Variants in MAPK8IP1 observed in about 807,000 individuals in gnomAD.
The protein encoded by MAPK8IP1 is mitogen-activated protein kinase 8 interacting protein 1.
A neutral mutation model predicts 72.6 loss-of-function variants in MAPK8IP1; 17 were observed. The observed-to-expected ratio is 0.23, with a 90% confidence interval of 0.16 to 0.35. MAPK8IP1 has a LOEUF of 0.35. Ranked by LOEUF, MAPK8IP1 falls within the 10% of genes least tolerant of loss-of-function variation. The pLI, the probability that MAPK8IP1 is intolerant of heterozygous loss-of-function variation, is 1.00. For missense variants in MAPK8IP1, 789 were observed against 1,009.7 expected (o/e 0.78, Z 2.96); for synonymous variants, 401 against 443.4 (o/e 0.90, Z 1.20).
intron 11 of MAPK8IP1, 121 bp downstream of exon 11, chr11:45,905,370 T>C (rs1336612791): frequency 1.0e-6 from 1 of 986,948 alleles, no homozygotes; most frequent in African/African-American, 1.6e-5. Flanking sequence ...GAGAACTATC[T>C]CCGGACCCCA....
In MAPK8IP1 at chr11:45,900,332, G is replaced by T. The variant is rs970952478; in HGVS notation, c.402G>T (p.Glu134Asp). The change falls in exon 3 of 12, where the codon GAG becomes GAT. Residue 134 changes from glutamate to aspartate, a missense_variant. Transcript: ENST00000241014. The surrounding 1 kb of genome is among the most constrained non-coding windows in gnomAD (Gnocchi z 6.5). ...CGCCCAAGGCCGAGTCCGGCCAGGAGCCGGCGTCCCGCGGCCAGGGCCAGA... is the reference window on the plus strand; with the variant it reads ...CGCCCAAGGCCGAGTCCGGCCAGGATCCGGCGTCCCGCGGCCAGGGCCAGA... ...AGPPKAESGQ[E>D]PASRGQGQSQ... The T allele has an allele frequency of 6.9e-7, 1 of 1,445,370 alleles. No homozygotes were observed. The highest frequency in any genetic ancestry group is 2.4e-4 in the Middle Eastern group (1 of 4,100). The allele number at this position is 1,445,370 out of a possible 1,614,324, so 89.5% of individuals were successfully genotyped here. A position where few individuals can be genotyped will look rare whatever the true frequency, so the allele number is the denominator to read the frequency against.
In MAPK8IP1 at chr11:45,898,155, A is replaced by G; in HGVS notation, c.172A>G (p.Ile58Val). 9 of 1,613,722 alleles carry G rather than the reference A, an allele frequency of 5.6e-6. No homozygotes were observed. The highest frequency in any genetic ancestry group is 2.2e-5 in the East Asian group (1 of 44,850). Residue 58 changes from isoleucine (I) to valine (V), a missense_variant, in exon 2 of 12, where the codon ATC (isoleucine) becomes GTC (valine). Transcript: ENST00000241014. ...CTCGGAGATCACTGATGAGTGTGGC[A>G]TCAGCTTACAGTGCAAAGACACCCT... is the stretch of plus-strand genomic sequence containing the variant. ...DLSEITDECG[I>V]SLQCKDTLSL...
chr11:45,886,252 C>T (rs1235421901), intron 1 of MAPK8IP1, among the ~76,000 whole-genome samples: 1 of 152,222 alleles, frequency 6.6e-6, no homozygotes, highest in Non-Finnish European at 1.5e-5. Context: ...GTTGCGATCC[C>T]GGAGCGGGCA....
Position 45,902,163 on chromosome 11 carries a change from G to A in MAPK8IP1, c.604+102G>A. ...AGTCTCCAAAGGGCTGAGTAGAGGT[G>A]AACTGCCCACCCACATCCCTGCACG... On this transcript the variant is annotated intron_variant, in intron 4 of 11. Coordinates refer to ENST00000241014, the MANE Select transcript of MAPK8IP1 (RefSeq NM_005456.4). The surrounding 1 kb of genome is among the most constrained non-coding windows in gnomAD (Gnocchi z 9.3). 8.7e-7 allele frequency: 1 copy of A among 1,145,750 alleles called. No individual in the cohort carries two copies. Among genetic ancestry groups the A allele is most frequent in the Non-Finnish European group, 1.3e-6 (1 of 753,238 alleles). The allele number at this position is 1,145,750 out of a possible 1,614,324, so 71.0% of individuals were successfully genotyped here. A position where few individuals can be genotyped will look rare whatever the true frequency, so the allele number is the denominator to read the frequency against.
intron 1 of MAPK8IP1, chr11:45,896,579 G>A: frequency 2.4e-6 from 3 of 1,273,336 alleles, no homozygotes; most frequent in Non-Finnish European, 3.0e-6. Context: ...CGTGAGGGAG[G>A]CGGCCACAGC....
Position 45,903,501 on chromosome 11 carries a change from T to G in MAPK8IP1, c.1493+61T>G. 6 of 1,412,028 alleles carry G rather than the reference T, an allele frequency of 4.2e-6. No homozygotes were observed. The highest frequency in any genetic ancestry group is 4.9e-6 in the Non-Finnish European group (5 of 1,019,500). 87.5% of individuals were successfully genotyped at this position (1,412,028 alleles called of 1,614,324 possible). A position where few individuals can be genotyped will look rare whatever the true frequency, so the allele number is the denominator to read the frequency against. On this transcript the variant is annotated intron_variant, in intron 6 of 11. Coordinates refer to ENST00000241014, the MANE Select transcript of MAPK8IP1 (RefSeq NM_005456.4). This position sits in a 1 kb window ranked among gnomAD's most constrained non-coding sequence, Gnocchi z 6.4. ...GCAGTTTGGGCCACACACCACCCTC[T>G]ACTTGTCACCCCTACATGGCCTCAG...
intron 1 of MAPK8IP1, among the ~76,000 whole-genome samples, chr11:45,893,735 T>C (rs1012832321): frequency 1.3e-5 from 2 of 151,708 alleles, no homozygotes; most frequent in African/African-American, 4.8e-5. Flanking sequence ...ATGAGCAGGG[T>C]GGATCAGGCG....
At chr11:45,895,512 C>T (rs911751988) in intron 1 of MAPK8IP1, among the ~76,000 whole-genome samples, 4 of 151,092 alleles carry the variant, frequency 2.6e-5, no homozygotes, top group Non-Finnish European at 4.4e-5. Flanking sequence ...CCCAGCTACT[C>T]AAGAGGCTGA....
At position 45,900,131 on chromosome 11, in the gene MAPK8IP1, T is replaced by C. The variant is rs1044248638; in HGVS notation, c.208-7T>C. ...CGCCCCCTGACGCCCCTCCGTGCGCTGTGCAGCCCCCGCGCGCCGGGCTGC... is the reference window on the plus strand; with the variant it reads ...CGCCCCCTGACGCCCCTCCGTGCGCCGTGCAGCCCCCGCGCGCCGGGCTGC... On this transcript the variant is annotated splice_region_variant and splice_polypyrimidine_tract_variant and intron_variant, in intron 2 of 11. Transcript: ENST00000241014. This position sits in a 1 kb window ranked among gnomAD's most constrained non-coding sequence, Gnocchi z 6.5. 29 of 1,241,558 alleles carry C rather than the reference T, an allele frequency of 2.3e-5. No homozygotes were observed. Among genetic ancestry groups the C allele is most frequent in the Middle Eastern group, 3.1e-4 (1 of 3,238 alleles). The allele number at this position is 1,241,558 out of a possible 1,614,324, so 76.9% of individuals were successfully genotyped here. A position where few individuals can be genotyped will look rare whatever the true frequency, so the allele number is the denominator to read the frequency against.
At chr11:45,896,824 G>A (rs1019959385) in intron 1 of MAPK8IP1, 13 of 1,546,158 alleles carry the variant, frequency 8.4e-6, no homozygotes, top group African/African-American at 2.7e-5. Flanking sequence ...CCACCCTTCC[G>A]GGCATGAGAG....
intron 2 of MAPK8IP1, among the ~76,000 whole-genome samples, chr11:45,899,439 AT>A (rs888518251): frequency 3.8e-4 from 58 of 152,242 alleles, no homozygotes; most frequent in African/African-American, 1.2e-3. Flanking sequence ...CAGTAGTGTT[AT>A]CCCCACTCAA....
rs1445042328 is a variant in MAPK8IP1, at chr11:45,900,482, TG to T, written c.522+33del. 9.8e-6 allele frequency: 15 copies of T among 1,529,168 alleles called. No individual in the cohort carries two copies. Among genetic ancestry groups the T allele is most frequent in the Non-Finnish European group, 1.3e-5 (15 of 1,143,962 alleles). The allele number at this position is 1,529,168 out of a possible 1,614,324, so 94.7% of individuals were successfully genotyped here. A position where few individuals can be genotyped will look rare whatever the true frequency, so the allele number is the denominator to read the frequency against. ...GGCGCCAACGTGGGGGGCGGCGCCC[TG>T]GGCCGCCGCGGAGATGTGAGGGGGA... is the stretch of plus-strand genomic sequence containing the variant. On this transcript the variant is annotated intron_variant, in intron 3 of 11. Transcript: ENST00000241014. The surrounding 1 kb of genome is among the most constrained non-coding windows in gnomAD (Gnocchi z 6.5).
In MAPK8IP1 at chr11:45,900,969, G is replaced by T. The variant is rs1022548322; in HGVS notation, c.522+517G>T. 2.4e-4 allele frequency among the ~76,000 whole-genome samples: 37 copies of T among 152,140 alleles called. No individual in the cohort carries two copies. The highest frequency in any genetic ancestry group is 7.7e-4 in the African/African-American group (32 of 41,410). ...GCAGCTGCGAATTCCCAGAAGGCAG[G>T]GGGGAGGAATGGGAGATGGAGCTGC... is the stretch of plus-strand genomic sequence containing the variant. On this transcript the variant is annotated intron_variant, in intron 3 of 11. Transcript: ENST00000241014. The surrounding 1 kb of genome is among the most constrained non-coding windows in gnomAD (Gnocchi z 6.5).
chr11:45,906,340 GGGA>G lies in MAPK8IP1; in HGVS notation c.*627_*629del, dbSNP rs1453198020. On this transcript the variant is annotated 3_prime_UTR_variant, in exon 12 of 12. Coordinates refer to ENST00000241014, the MANE Select transcript of MAPK8IP1 (RefSeq NM_005456.4). ...TGTGGCAGGCCTAGGACCTCAGGCG[GGGA>G]GGAGGAGCTGCCGCAAGGCCCTGTC... 64 of 472,482 alleles carry G rather than the reference GGGA, an allele frequency of 1.4e-4. No individual in the cohort carries two copies. The highest frequency in any genetic ancestry group is 2.0e-4 in the Non-Finnish European group (56 of 282,528). The allele number at this position is 472,482 out of a possible 1,614,324, so 29.3% of individuals were successfully genotyped here. A position where few individuals can be genotyped will look rare whatever the true frequency, so the allele number is the denominator to read the frequency against.
intron 1 of MAPK8IP1, among the ~76,000 whole-genome samples, chr11:45,888,831 C>G (rs2086546375): frequency 6.6e-6 from 1 of 152,150 alleles, no homozygotes; most frequent in South Asian, 2.1e-4. Context: ...TCCCAAGTAG[C>G]TGGGATTACA....
At position 45,903,219 on chromosome 11, in the gene MAPK8IP1, G is replaced by A. The variant is rs776662242; in HGVS notation, c.1417+35G>A. 4.4e-6 allele frequency: 7 copies of A among 1,585,996 alleles called. No homozygotes were observed. Among genetic ancestry groups the A allele is most frequent in the African/African-American group, 4.0e-5 (3 of 74,312 alleles). ...CAAGGGGAAGCAGTGGGGTGGGGGG[G>A]TCCCTAGCGGGGGCAGAGCCAAAAT... On this transcript the variant is annotated intron_variant, in intron 5 of 11. Coordinates refer to ENST00000241014, the MANE Select transcript of MAPK8IP1 (RefSeq NM_005456.4). The surrounding 1 kb of genome is among the most constrained non-coding windows in gnomAD (Gnocchi z 6.4).
chr11:45,886,747 T>C (rs1033081550), intron 1 of MAPK8IP1, among the ~76,000 whole-genome samples: 3 of 152,054 alleles, frequency 2.0e-5, no homozygotes, highest in Admixed American at 1.3e-4. Flanking sequence ...TGAACCCTAG[T>C]TGGTGGGGAG....
chr11:45,885,867 C>T lies in MAPK8IP1; in HGVS notation c.47C>T (p.Pro16Leu). Reference protein sequence around the residue: ...SGGLGGGAASPPAASPFLGLH... With the variant: ...SGGLGGGAASLPAASPFLGLH... ...GGCCTGGGAGGGGGGGCCGCGTCCCCGCCCGCCGCCTCCCCGTTCCTGGGG... is the reference window on the plus strand; with the variant it reads ...GGCCTGGGAGGGGGGGCCGCGTCCCTGCCCGCCGCCTCCCCGTTCCTGGGG... The change falls in exon 1 of 12, where the codon CCG becomes CTG. Residue 16 changes from proline (P) to leucine (L), a missense_variant. Physicochemically the swap from Pro to Leu is moderately conservative, Grantham distance 98. Transcript: ENST00000241014. 2 of 1,458,544 alleles carry T rather than the reference C, an allele frequency of 1.4e-6. No homozygotes were observed. The highest frequency in any genetic ancestry group is 1.8e-6 in the Non-Finnish European group (2 of 1,101,818). 90.4% of individuals were successfully genotyped at this position (1,458,544 alleles called of 1,614,324 possible).
intron 2 of MAPK8IP1, among the ~76,000 whole-genome samples, chr11:45,899,369 AG>A (rs1376770673): frequency 3.3e-5 from 5 of 152,394 alleles, no homozygotes; most frequent in African/African-American, 9.6e-5. Flanking sequence ...GCCTCAGACA[AG>A]CTCCAGCGGG....
Sources: allele counts gnomAD v4.1 joint callset (sites outside exome capture counted in the v4.1 genomes callset), GRCh38; gene constraint gnomAD v4.1.1; non-coding constraint Gnocchi (gnomAD v3.1); transcripts MANE v1.5; gene names NCBI Gene and HGNC (gene_info 2026-07-23, HGNC 2026-07-21).